KCNMA1: variants seen among roughly 807,000 people sequenced by gnomAD.
KCNMA1 encodes Calcium-activated potassium channel subunit alpha-1.
A neutral mutation model predicts 140.0 loss-of-function variants in KCNMA1; 29 were observed. The observed-to-expected ratio is 0.21, with a 90% CI of 0.15 to 0.28. The LOEUF (loss-of-function observed/expected upper bound fraction) is 0.28. Among genes scored for constraint, KCNMA1 ranks in the 10% least tolerant of loss-of-function variants. The probability of loss-of-function intolerance (pLI) is 1.00; values close to 1 mark genes in which losing one functional copy is unlikely to be tolerated. For missense variants in KCNMA1, 880 were observed against 1,602.2 expected (o/e 0.55, Z 7.70); for synonymous variants, 612 against 611.9 (o/e 1.00, Z 0.00).
At chr10:76,966,794 G>A (rs1310702956) in intron 20 of KCNMA1, among the ~76,000 whole-genome samples, 1 of 152,200 alleles carries the variant, frequency 6.6e-6, no homozygotes, top group Non-Finnish European at 1.5e-5. Context: ...CTCTGCGGGT[G>A]TGGAGCCAAA....
chr10:77,457,179 C>T (rs369343369), intron 1 of KCNMA1, among the ~76,000 whole-genome samples: 2 of 152,218 alleles, frequency 1.3e-5, no homozygotes, highest in East Asian at 3.9e-4. Flanking sequence ...TAGTCATTGG[C>T]CTGCTTGCTC....
intron 1 of KCNMA1, among the ~76,000 whole-genome samples, chr10:77,554,052 G>T (rs531545985): frequency 6.6e-6 from 1 of 152,098 alleles, no homozygotes; most frequent in African/African-American, 2.4e-5. Flanking sequence ...TGGCAACACA[G>T]AGTGGAAGGA....
chr10:77,263,016 T>C (rs1423425151), intron 2 of KCNMA1, among the ~76,000 whole-genome samples: 2 of 152,176 alleles, frequency 1.3e-5, no homozygotes, highest in Non-Finnish European at 2.9e-5. Flanking sequence ...ATTTACAAAA[T>C]GGAAGGAAAA....
chr10:77,491,166 T>A (rs2039686752), intron 1 of KCNMA1, among the ~76,000 whole-genome samples: 1 of 152,214 alleles, frequency 6.6e-6, no homozygotes, highest in Non-Finnish European at 1.5e-5. Flanking sequence ...ATTCACTTTG[T>A]TTTCTTAACT....
intron 13 of KCNMA1, 103 bp from the exon 14 acceptor site, chr10:77,073,355 C>T (rs1213956818): frequency 8.6e-7 from 1 of 1,163,816 alleles, no homozygotes. Flanking sequence ...CAGGGCCATC[C>T]AGTCTTGCCC....
intron 2 of KCNMA1, chr10:77,314,103 C>T (rs1182439453): frequency 6.6e-6 from 1 of 152,084 alleles, no homozygotes; most frequent in Non-Finnish European, 1.5e-5. Flanking sequence ...TATCAAAGTA[C>T]ATCACATGTA....
intron 9 of KCNMA1, among the ~76,000 whole-genome samples, chr10:77,102,408 T>C (rs904818565): frequency 6.6e-6 from 1 of 152,190 alleles, no homozygotes; most frequent in Non-Finnish European, 1.5e-5. Context: ...ACAAAGGTTC[T>C]GAGTGAGAAG....
chr10:77,632,660 C>A (rs537833087), intron 1 of KCNMA1, among the ~76,000 whole-genome samples: 4 of 152,344 alleles, frequency 2.6e-5, no homozygotes, highest in African/African-American at 9.6e-5. Context: ...TGACAGTATA[C>A]TTCAGGATCT....
At chr10:77,005,362 C>T (rs2088107846) in intron 18 of KCNMA1, among the ~76,000 whole-genome samples, 1 of 152,206 alleles carries the variant, frequency 6.6e-6, no homozygotes, top group Non-Finnish European at 1.5e-5. Flanking sequence ...CACAGGAGGA[C>T]TATTTCAGTG....
intron 19 of KCNMA1, among the ~76,000 whole-genome samples, chr10:76,996,329 G>A (rs1022870908): frequency 7.9e-5 from 12 of 152,186 alleles, no homozygotes; most frequent in South Asian, 2.1e-4. Flanking sequence ...ATGGCTCAGC[G>A]TGGCTATCAC....
chr10:76,893,989 A>C (rs1249541510), intron 25 of KCNMA1, among the ~76,000 whole-genome samples: 1 of 152,174 alleles, frequency 6.6e-6, no homozygotes, highest in Non-Finnish European at 1.5e-5. Context: ...ATTGACTCTA[A>C]AACTGCAACA....
rs1054019136 is a variant in KCNMA1 at position 77,438,393 on chromosome 10, G to A, written c.379-34370C>T. Among the ~76,000 whole-genome samples the A allele has an allele frequency of 4.6e-5, 7 of 151,636 alleles. No homozygotes were observed. In the South Asian group the frequency reaches 1.0e-3, roughly 23 times the overall value. ...ACCAGCCTCAATTAGGAGAAACCCC[G>A]TCTCTACTAAAAATACAAAATTAGC... On this transcript the variant is annotated intron_variant, in intron 1 of 27. Transcript: ENST00000286628.
At chr10:77,427,716 C>CATTTATTT (rs1249559373) in intron 1 of KCNMA1, among the ~76,000 whole-genome samples, 1 of 61,360 alleles carries the variant, frequency 1.6e-5, no homozygotes, top group African/African-American at 8.0e-5. Flanking sequence ...AGCATCCATC[C>CATTTATTT]ATTCATTTAT....
chr10:77,543,011 C>G (rs1437118194), intron 1 of KCNMA1, among the ~76,000 whole-genome samples: 1 of 25,286 alleles, frequency 4.0e-5, no homozygotes, highest in Non-Finnish European at 6.3e-5. Flanking sequence ...TCAAGACTCT[C>G]TCTCTTTCTC....
At chr10:77,566,991 T>C (rs2068567968) in intron 1 of KCNMA1, among the ~76,000 whole-genome samples, 1 of 152,224 alleles carries the variant, frequency 6.6e-6, no homozygotes, top group African/African-American at 2.4e-5. Flanking sequence ...TGGCTAGTTT[T>C]ACCTTGAACC....
chr10:77,513,720 G>A (rs1227611489), intron 1 of KCNMA1, among the ~76,000 whole-genome samples: 3 of 152,242 alleles, frequency 2.0e-5, no homozygotes, highest in Admixed American at 1.3e-4. Flanking sequence ...GCCACAGGGC[G>A]AGGGAAGCAC....
chr10:77,168,069 A>T (rs985195344), intron 5 of KCNMA1, among the ~76,000 whole-genome samples: 4 of 152,102 alleles, frequency 2.6e-5, no homozygotes, highest in Non-Finnish European at 5.9e-5. Context: ...GATTTATCTC[A>T]TTGGTAGGGC....
intron 3 of KCNMA1, among the ~76,000 whole-genome samples, chr10:77,196,171 G>T (rs1163775053): frequency 1.3e-5 from 2 of 152,042 alleles, no homozygotes; most frequent in African/African-American, 4.8e-5. Context: ...CTCTGTGAGA[G>T]GCCTAGGATG....
chr10:77,356,152 T>C (rs895069011), intron 2 of KCNMA1, among the ~76,000 whole-genome samples: 4 of 152,194 alleles, frequency 2.6e-5, no homozygotes, highest in African/African-American at 9.7e-5. Context: ...CATCCCTAAA[T>C]GCATCAAACC....
Sources: allele counts gnomAD v4.1 joint callset (sites outside exome capture counted in the v4.1 genomes callset), GRCh38; gene constraint gnomAD v4.1.1; transcripts MANE v1.5; gene names NCBI Gene and HGNC (gene_info 2026-07-23, HGNC 2026-07-21).